GSTCD: variants seen among roughly 807,000 people sequenced by gnomAD.
The protein encoded by GSTCD is glutathione S-transferase C-terminal domain-containing protein.
GSTCD carries 44 observed loss-of-function variants against 68.3 expected under a neutral mutation model. The ratio of observed to expected loss-of-function variants is 0.64; its 90% CI spans 0.51 to 0.83. GSTCD has a LOEUF of 0.83. GSTCD is among the 40% of genes least tolerant of loss of function. The pLI is 0.00. For synonymous variants in GSTCD, 273 were observed against 255.2 expected (o/e 1.07, Z -0.67); for missense variants, 739 against 735.9 (o/e 1.00, Z -0.05).
chr4:105,824,780 C>A (rs1164174735), intron 7 of GSTCD, among the ~76,000 whole-genome samples: 1 of 152,070 alleles, frequency 6.6e-6, no homozygotes, highest in Non-Finnish European at 1.5e-5. Flanking sequence ...TACACCCTGT[C>A]CCCCCATCAC....
At chr4:105,722,642 C>A (rs1732893269) in intron 3 of GSTCD, among the ~76,000 whole-genome samples, 1 of 151,962 alleles carries the variant, frequency 6.6e-6, no homozygotes, top group Non-Finnish European at 1.5e-5. Context: ...GATGCAACAT[C>A]TTGCTTCTCT....
intron 5 of GSTCD, among the ~76,000 whole-genome samples, chr4:105,775,672 G>T (rs1211570029): frequency 2.0e-5 from 3 of 152,238 alleles, no homozygotes; most frequent in Admixed American, 2.0e-4. Flanking sequence ...GGTATCACCA[G>T]TGGAGGCTGC....
At chr4:105,822,803 A>C (rs1239706055) in intron 5 of GSTCD, 151 bp from the exon 6 acceptor site, 1 of 530,712 alleles carries the variant, frequency 1.9e-6, no homozygotes, top group Non-Finnish European at 3.4e-6. Context: ...TGTTACATGG[A>C]ATTTATCATT....
intron 5 of GSTCD, among the ~76,000 whole-genome samples, chr4:105,763,867 A>C (rs1734507262): frequency 6.6e-6 from 1 of 151,930 alleles, no homozygotes; most frequent in African/African-American, 2.4e-5. Context: ...TAATAATTTG[A>C]TTTTTCCCCA....
chr4:105,748,862 A>G (rs1328129242), intron 5 of GSTCD, among the ~76,000 whole-genome samples: 1 of 152,052 alleles, frequency 6.6e-6, no homozygotes, highest in African/African-American at 2.4e-5. Context: ...TGGCAAAGAG[A>G]TGGATAAAAT....
intron 5 of GSTCD, among the ~76,000 whole-genome samples, chr4:105,730,178 T>C (rs974500044): frequency 6.6e-6 from 1 of 152,208 alleles, no homozygotes; most frequent in Non-Finnish European, 1.5e-5. Context: ...GTCTTTGCTA[T>C]TGTGAATAGT....
chr4:105,799,635 C>T (rs866413580), intron 5 of GSTCD, among the ~76,000 whole-genome samples: 2 of 151,976 alleles, frequency 1.3e-5, no homozygotes, highest in African/African-American at 4.8e-5. Context: ...GGGCATGGTT[C>T]GTGGCTCCCC....
rs559244051 is a variant in GSTCD, at chr4:105,819,049, T to C, written c.1241-3905T>C. Among the ~76,000 whole-genome samples the C allele has an allele frequency of 2.6e-5, 4 of 151,886 alleles. No individual in the cohort carries two copies. In the South Asian group the frequency reaches 8.3e-4, roughly 31 times the overall value. The stretch of plus-strand genomic sequence containing the variant: ...ACAGTGCTGTCTATTCAGATTGAAC[T>C]TGTCCCTAAGCAGCTCTAAGTACAT... On this transcript the variant is annotated intron_variant, in intron 5 of 11. Transcript: ENST00000515279.
intron 5 of GSTCD, among the ~76,000 whole-genome samples, chr4:105,783,539 A>C (rs1259070301): frequency 6.6e-6 from 1 of 152,038 alleles, no homozygotes; most frequent in African/African-American, 2.4e-5. Flanking sequence ...TTTATCATTC[A>C]TGCTCCAGTT....
At position 105,846,577 on chromosome 4, in the gene GSTCD, C is replaced by G. The variant is rs1214122694; in HGVS notation, c.*1000C>G. On this transcript the variant is annotated 3_prime_UTR_variant, in exon 12 of 12. Transcript: ENST00000515279. ...TATTTTCAAGACCTTGGCCTAGTTTCTTTTCAATTCAAAGATGAGTTGCAA... is the reference window on the plus strand; with the variant it reads ...TATTTTCAAGACCTTGGCCTAGTTTGTTTTCAATTCAAAGATGAGTTGCAA... The G allele has an allele frequency of 1.3e-5, 2 of 150,414 alleles. No homozygotes were observed. Among genetic ancestry groups the G allele is most frequent in the East Asian group, 3.9e-4 (2 of 5,126 alleles). 9.3% of individuals were successfully genotyped at this position (150,414 alleles called of 1,614,324 possible). A position where few individuals can be genotyped will look rare whatever the true frequency, so the allele number is the denominator to read the frequency against.
intron 1 of GSTCD, among the ~76,000 whole-genome samples, chr4:105,713,448 T>C (rs1435729241): frequency 2.0e-5 from 3 of 152,354 alleles, no homozygotes; most frequent in Non-Finnish European, 4.4e-5. Flanking sequence ...ATTTTCACTT[T>C]GGTAAAATTG....
At chr4:105,802,966 A>C (rs1736166102) in intron 5 of GSTCD, among the ~76,000 whole-genome samples, 1 of 152,114 alleles carries the variant, frequency 6.6e-6, no homozygotes, top group South Asian at 2.1e-4. Context: ...GTGAAGGATA[A>C]GCAACTTACA....
intron 5 of GSTCD, among the ~76,000 whole-genome samples, chr4:105,754,928 G>T (rs1734127766): frequency 6.6e-6 from 1 of 151,620 alleles, no homozygotes; most frequent in African/African-American, 2.4e-5. Flanking sequence ...GACTTAGAAA[G>T]TTGCTTTCTG....
At chr4:105,797,134 G>A (rs546017715) in intron 5 of GSTCD, among the ~76,000 whole-genome samples, 1 of 151,612 alleles carries the variant, frequency 6.6e-6, no homozygotes, top group African/African-American at 2.4e-5. Flanking sequence ...TGTCAGTATA[G>A]GCTCACAGAC....
chr4:105,822,873 C>A, intron 5 of GSTCD, 81 bp from the exon 6 acceptor site: 1 of 913,044 alleles, frequency 1.1e-6, no homozygotes, highest in Non-Finnish European at 1.8e-6. Context: ...CTCCTCTATG[C>A]TGGTAGTCTA....
intron 5 of GSTCD, among the ~76,000 whole-genome samples, chr4:105,784,147 C>G (rs1009700877): frequency 8.5e-5 from 13 of 152,198 alleles, no homozygotes; most frequent in African/African-American, 3.1e-4. Flanking sequence ...ATGTACATAT[C>G]TTATTCCTCA....
chr4:105,766,887 C>CTTGTTTTTTT (rs1734629420), intron 5 of GSTCD, among the ~76,000 whole-genome samples: 1 of 57,138 alleles, frequency 1.8e-5, no homozygotes, highest in African/African-American at 8.0e-5. Context: ...GTTTTTGACT[C>CTTGTTTTTTT]TTTTTTTTTT....
intron 5 of GSTCD, among the ~76,000 whole-genome samples, chr4:105,782,048 C>A (rs938832110): frequency 6.6e-6 from 1 of 152,184 alleles, no homozygotes; most frequent in Non-Finnish European, 1.5e-5. Context: ...TGTGCCACTT[C>A]TTGCGCATAC....
intron 5 of GSTCD, among the ~76,000 whole-genome samples, chr4:105,778,271 AC>A (rs950422705): frequency 6.6e-6 from 1 of 152,064 alleles, no homozygotes; most frequent in Admixed American, 6.6e-5. Context: ...GTGTTTTAAC[AC>A]CCCATATATA....
Sources: gnomAD v4.1 joint callset for allele counts (sites outside exome capture counted in the v4.1 genomes callset) on GRCh38, gnomAD v4.1.1 for gene constraint, MANE v1.5 for transcripts, NCBI Gene and HGNC (gene_info 2026-07-23, HGNC 2026-07-21) for gene names.